Variants in PARVB observed in about 807,000 individuals in gnomAD.
PARVB encodes the protein parvin beta.
A neutral mutation model predicts 47.0 loss-of-function variants in PARVB; 46 were observed. That is an observed-to-expected ratio of 0.98 (90% CI 0.77 to 1.25). The LOEUF (loss-of-function observed/expected upper bound fraction) is 1.25. PARVB is among the 50% of genes most tolerant of loss of function. The pLI is 0.00. For missense variants in PARVB, 473 were observed against 471.6 expected (o/e 1.00, Z -0.03); for synonymous variants, 196 against 196.3 (o/e 1.00, Z 0.01).
intron 4 of PARVB, among the ~76,000 whole-genome samples, chr22:44,130,514 C>T (rs1415454222): frequency 6.6e-6 from 1 of 152,212 alleles, no homozygotes. Context: ...GTCTGTGCTC[C>T]TCCGGATTGT....
rs2051590220 is a variant in PARVB at position 44,068,846 on chromosome 22, G to A, written c.113-25082G>A. 2.0e-5 allele frequency among the ~76,000 whole-genome samples: 3 copies of A among 152,328 alleles called. No homozygotes were observed. In the South Asian group the frequency reaches 6.2e-4, roughly 32 times the overall value. ...TCAGTCAGCCCAGGGGCCTGGGCGC[G>A]CCCTTCCTTCCTTCTTTGTGCATGG... On this transcript the variant is annotated intron_variant, in intron 1 of 12. Coordinates refer to ENST00000338758, the MANE Select transcript of PARVB (RefSeq NM_013327.5). This position sits in a 1 kb window ranked among gnomAD's most constrained non-coding sequence, Gnocchi z 4.1.
At chr22:44,123,822 C>T (rs776950138) in intron 4 of PARVB, among the ~76,000 whole-genome samples, 6 of 152,334 alleles carry the variant, frequency 3.9e-5, no homozygotes, top group South Asian at 4.1e-4. Flanking sequence ...TGAGCCACTG[C>T]GCCTGGCCAT....
chr22:44,145,773 G>A (rs1342279789), intron 8 of PARVB: 2 of 152,240 alleles, frequency 1.3e-5, no homozygotes, highest in Non-Finnish European at 2.9e-5. Context: ...TGAGTGGCTT[G>A]ACTCTGCCAG....
At chr22:44,061,164 C>T (rs2051411318) in intron 1 of PARVB, among the ~76,000 whole-genome samples, 2 of 152,144 alleles carry the variant, frequency 1.3e-5, no homozygotes, top group African/African-American at 4.8e-5. Flanking sequence ...CACGGTGACT[C>T]ATGCCTGTAA....
intron 1 of PARVB, chr22:44,026,316 G>A: frequency 3.0e-6 from 3 of 985,458 alleles, no homozygotes; most frequent in African/African-American, 3.5e-5. Flanking sequence ...TGAATAGAAC[G>A]GGCGTGGAGG....
At chr22:44,004,912 C>G (rs1438734019) in intron 2 of PARVB, among the ~76,000 whole-genome samples, 5 of 152,126 alleles carry the variant, frequency 3.3e-5, no homozygotes, top group Admixed American at 2.0e-4. Context: ...GAATTAGGAG[C>G]CATTGTTCCA....
At chr22:44,031,816 G>A (rs2267598) in intron 1 of PARVB, among the ~76,000 whole-genome samples, 5,141 of 152,226 alleles carry the variant, frequency 0.034, 160 homozygotes, top group East Asian at 0.15. Context: ...TGGATTTTAA[G>A]TGCTCCGTTG....
intron 4 of PARVB, among the ~76,000 whole-genome samples, chr22:44,122,514 G>C (rs1182147903): frequency 4.4e-5 from 4 of 90,512 alleles, no homozygotes; most frequent in Non-Finnish European, 8.4e-5. Context: ...GAGAGAGAGA[G>C]AGAGACAGAG....
intron 10 of PARVB, among the ~76,000 whole-genome samples, chr22:44,154,499 GGTGT>G (rs3053820): frequency 7.4e-5 from 11 of 148,998 alleles, no homozygotes; most frequent in African/African-American, 2.5e-4. Context: ...GTCTGTTGGG[GGTGT>G]GTGTGTGTGT....
chr22:44,015,130 C>T (rs62226383), intron 2 of PARVB, among the ~76,000 whole-genome samples: 12,033 of 150,566 alleles, frequency 0.08, 669 homozygotes, highest in South Asian at 0.23. Flanking sequence ...GGATTACAGG[C>T]GCGAGCCACT....
chr22:44,134,414 G>A (rs757612217), intron 6 of PARVB, among the ~76,000 whole-genome samples: 3 of 152,210 alleles, frequency 2.0e-5, no homozygotes, highest in African/African-American at 7.2e-5. Context: ...ACGTCAGCTC[G>A]GGGCCCCAGG....
chr22:44,039,581 C>G (rs1382868802), intron 1 of PARVB, among the ~76,000 whole-genome samples: 1 of 151,392 alleles, frequency 6.6e-6, no homozygotes, highest in Non-Finnish European at 1.5e-5. Flanking sequence ...TGTAAGAAGA[C>G]TCTTGTACAG....
intron 1 of PARVB, among the ~76,000 whole-genome samples, chr22:44,061,882 G>T: frequency 6.6e-6 from 1 of 152,186 alleles, no homozygotes; most frequent in Admixed American, 6.5e-5. Flanking sequence ...CTCCCGAAGT[G>T]CTGGGATTAC....
intron 3 of PARVB, chr22:44,113,345 G>C (rs1945021617): frequency 1.2e-5 from 1 of 84,552 alleles, no homozygotes; most frequent in African/African-American, 6.4e-5. Context: ...CAGATACATT[G>C]TTACTAACTA....
intron 1 of PARVB, among the ~76,000 whole-genome samples, chr22:44,065,736 A>G (rs1297954403): frequency 2.0e-5 from 3 of 152,084 alleles, no homozygotes; most frequent in Non-Finnish European, 4.4e-5. Flanking sequence ...TTGGTTTTCT[A>G]TTCCTGAGTT....
At chr22:44,081,631 T>G in intron 1 of PARVB, 3 of 985,144 alleles carry the variant, frequency 3.0e-6, no homozygotes, top group Non-Finnish European at 2.4e-6. Flanking sequence ...GAAGTGCGTT[T>G]CTCTAAGAGC....
intron 4 of PARVB, among the ~76,000 whole-genome samples, chr22:44,123,516 T>C (rs894623156): frequency 6.6e-6 from 1 of 152,110 alleles, no homozygotes; most frequent in African/African-American, 2.4e-5. Flanking sequence ...TGGGCTCAGG[T>C]GATTCTCCCA....
At chr22:44,023,277 G>C (rs1046035269), upstream of PARVB, among the ~76,000 whole-genome samples, 1 of 151,834 alleles carries the variant, frequency 6.6e-6, no homozygotes, top group Non-Finnish European at 1.5e-5. Flanking sequence ...TTGGGAGGCC[G>C]AGGCAGGCGG....
intron 1 of PARVB, among the ~76,000 whole-genome samples, chr22:44,069,824 C>A (rs561037532): frequency 3.3e-5 from 5 of 152,104 alleles, no homozygotes; most frequent in Non-Finnish European, 7.4e-5. Context: ...CCACCGCGCC[C>A]GGCCATGGGT....
Sources: allele counts gnomAD v4.1 joint callset (sites outside exome capture counted in the v4.1 genomes callset), GRCh38; gene constraint gnomAD v4.1.1; non-coding constraint Gnocchi (gnomAD v3.1); transcripts MANE v1.5; gene names NCBI Gene and HGNC (gene_info 2026-07-23, HGNC 2026-07-21).